Variants in RBM20 observed in about 807,000 individuals in gnomAD.
RBM20 encodes the protein RNA binding motif protein 20, also known as RNA-binding protein 20.
RBM20 carries 51 observed loss-of-function variants against 110.1 expected under a neutral mutation model. The ratio of observed to expected loss-of-function variants is 0.46; its 90% CI spans 0.37 to 0.59. The LOEUF (loss-of-function observed/expected upper bound fraction) is 0.59, where lower values mean the gene tolerates loss of function less well. Ranked by LOEUF, RBM20 falls within the 20% of genes least tolerant of loss-of-function variation. The pLI is 0.00. For missense variants in RBM20, 1,512 were observed against 1,574.9 expected (o/e 0.96, Z 0.68); for synonymous variants, 589 against 618.2 (o/e 0.95, Z 0.70).
chr10:110,748,580 C>G (rs1564833929), intron 1 of RBM20, among the ~76,000 whole-genome samples: 3 of 152,112 alleles, frequency 2.0e-5, no homozygotes, highest in African/African-American at 4.8e-5. Context: ...GGGGGTAGCT[C>G]TCTTTTGACT....
At chr10:110,716,749 T>A (rs1344628071) in intron 1 of RBM20, among the ~76,000 whole-genome samples, 3 of 151,386 alleles carry the variant, frequency 2.0e-5, no homozygotes, top group African/African-American at 7.3e-5. Flanking sequence ...CTGTCTCTAC[T>A]AAAAATACAA....
intron 1 of RBM20, among the ~76,000 whole-genome samples, chr10:110,655,955 T>A (rs1293298099): frequency 6.6e-6 from 1 of 152,028 alleles, no homozygotes; most frequent in East Asian, 1.9e-4. Flanking sequence ...AAGCTGCACA[T>A]GTTTAAAGCA....
intron 1 of RBM20, among the ~76,000 whole-genome samples, chr10:110,690,751 C>A (rs942303962): frequency 2.0e-5 from 3 of 152,176 alleles, no homozygotes; most frequent in Admixed American, 1.3e-4. Flanking sequence ...ATAAAATATA[C>A]TTTGTAAGTA....
At chr10:110,831,302 A>C in intron 13 of RBM20, 120 bp downstream of exon 13, 1 of 1,007,594 alleles carries the variant, frequency 9.9e-7, no homozygotes, top group Non-Finnish European at 1.4e-6. Flanking sequence ...TGCAAGGCCT[A>C]CTCCAGGCCA....
upstream of RBM20, chr10:110,644,258 G>A: frequency 2.6e-6 from 1 of 386,908 alleles, no homozygotes; most frequent in Non-Finnish European, 4.5e-6. This position sits in a 1 kb window ranked among gnomAD's most constrained non-coding sequence, Gnocchi z 4.3. Flanking sequence ...CCGCGTGGCC[G>A]GCCGGGACGA....
chr10:110,817,651 G>A (rs1351836024), intron 9 of RBM20, among the ~76,000 whole-genome samples: 1 of 152,230 alleles, frequency 6.6e-6, no homozygotes, highest in African/African-American at 2.4e-5. Context: ...TGAGTATTAA[G>A]TGCTAAGAAG....
intron 1 of RBM20, among the ~76,000 whole-genome samples, chr10:110,674,093 C>G (rs1349093654): frequency 2.0e-5 from 3 of 152,074 alleles, no homozygotes; most frequent in African/African-American, 7.2e-5. Flanking sequence ...GAGACGATAT[C>G]TCTTTAAGGG....
intron 1 of RBM20, among the ~76,000 whole-genome samples, chr10:110,767,083 A>G (rs1378706819): frequency 1.4e-5 from 1 of 72,758 alleles, no homozygotes; most frequent in South Asian, 4.8e-4. Flanking sequence ...GCGGGGGGTG[A>G]CCCCCCCACC....
At chr10:110,711,628 G>C (rs1209696438) in intron 1 of RBM20, among the ~76,000 whole-genome samples, 1 of 152,212 alleles carries the variant, frequency 6.6e-6, no homozygotes, top group Non-Finnish European at 1.5e-5. Context: ...TTGCCCAGAT[G>C]GGGTAGTTAT....
intron 1 of RBM20, among the ~76,000 whole-genome samples, chr10:110,656,404 G>T (rs373761647): frequency 1.3e-5 from 2 of 152,018 alleles, no homozygotes; most frequent in African/African-American, 4.8e-5. Flanking sequence ...GGGAACCACT[G>T]ATCTGCTTTC....
At chr10:110,653,745 G>T (rs985114604) in intron 1 of RBM20, among the ~76,000 whole-genome samples, 1 of 152,068 alleles carries the variant, frequency 6.6e-6, no homozygotes, top group Non-Finnish European at 1.5e-5. Context: ...TTGTAGAGAT[G>T]GGGTTTCACC....
intron 13 of RBM20, 75 bp downstream of exon 13, chr10:110,831,257 C>T (rs1845048676): frequency 2.0e-6 from 3 of 1,478,830 alleles, no homozygotes; most frequent in Non-Finnish European, 2.7e-6. Flanking sequence ...GTCTGGCGTC[C>T]TTGGCCTTGC....
intron 1 of RBM20, among the ~76,000 whole-genome samples, chr10:110,755,223 A>G (rs757823172): frequency 1.7e-4 from 26 of 152,154 alleles, no homozygotes; most frequent in Non-Finnish European, 3.2e-4. Flanking sequence ...TTTGGGACCC[A>G]GCTTACTGTA....
intron 1 of RBM20, among the ~76,000 whole-genome samples, chr10:110,775,868 G>A (rs1268911300): frequency 6.6e-6 from 1 of 152,218 alleles, no homozygotes; most frequent in Non-Finnish European, 1.5e-5. Flanking sequence ...GGTGGATTCA[G>A]GAGAAGCTGG....
Position 110,668,752 on chromosome 10 carries a change from G to T in RBM20, c.191+24107G>T, listed in dbSNP as rs12262143. 3.3e-3 allele frequency among the ~76,000 whole-genome samples: 506 copies of T among 152,212 alleles called. 2 individuals carry two copies. The highest frequency in any genetic ancestry group is 0.011 in the African/African-American group (477 of 41,532). On this transcript the variant is annotated intron_variant, in intron 1 of 13. Transcript: ENST00000369519. Reference sequence around the variant, plus strand: ...GCTCTTTGAGGACTGTGAAGAGAGGGGAGGGTAGAGGCAGAGTTGATCCCA... The same window carrying T: ...GCTCTTTGAGGACTGTGAAGAGAGGTGAGGGTAGAGGCAGAGTTGATCCCA...
intron 1 of RBM20, among the ~76,000 whole-genome samples, chr10:110,692,085 GA>G (rs1035012392): frequency 5.1e-4 from 78 of 151,656 alleles, no homozygotes; most frequent in African/African-American, 1.9e-3. Flanking sequence ...TATATGTAAA[GA>G]TTTTTTTTTC....
At chr10:110,659,911 C>T (rs1348883676) in intron 1 of RBM20, among the ~76,000 whole-genome samples, 2 of 150,666 alleles carry the variant, frequency 1.3e-5, no homozygotes, top group Non-Finnish European at 3.0e-5. Flanking sequence ...GACTAGAGTG[C>T]ATACTGATCC....
At chr10:110,784,100 T>C (rs1282576986) in intron 3 of RBM20, among the ~76,000 whole-genome samples, 1 of 152,236 alleles carries the variant, frequency 6.6e-6, no homozygotes, top group Admixed American at 6.5e-5. Context: ...CTGAACAATA[T>C]TCTATTGCAT....
chr10:110,756,993 A>G (rs1168620468), intron 1 of RBM20, among the ~76,000 whole-genome samples: 1 of 152,198 alleles, frequency 6.6e-6, no homozygotes, highest in African/African-American at 2.4e-5. Flanking sequence ...TCAGGGAAAA[A>G]CAACTTACAA....
Sources: gnomAD v4.1 joint callset for allele counts (sites outside exome capture counted in the v4.1 genomes callset) on GRCh38, gnomAD v4.1.1 for gene constraint, Gnocchi (gnomAD v3.1) non-coding constraint, MANE v1.5 for transcripts, NCBI Gene and HGNC (gene_info 2026-07-23, HGNC 2026-07-21) for gene names.